The following ADAMTSL5 variants were observed in gnomAD, a reference collection of about 807,000 sequenced individuals.
ADAMTSL5 encodes ADAMTS-like protein 5.
ADAMTSL5 carries 53 observed loss-of-function variants against 51.7 expected under a neutral mutation model. The observed-to-expected ratio is 1.03, with a 90% CI of 0.82 to 1.29. The LOEUF (loss-of-function observed/expected upper bound fraction) is 1.29. Ranked by LOEUF, ADAMTSL5 falls within the 50% of genes most tolerant of loss-of-function variation. The probability of loss-of-function intolerance (pLI) is 0.00; values close to 1 mark genes in which losing one functional copy is unlikely to be tolerated. For synonymous variants in ADAMTSL5, 285 were observed against 278.7 expected (o/e 1.02, Z -0.23); for missense variants, 770 against 676.2 (o/e 1.14, Z -1.54).
At chr19:1,509,675 GAAGGGAAGGAAGA>G (rs1599288550) in intron 5 of ADAMTSL5, among the ~76,000 whole-genome samples, 2 of 151,866 alleles carry the variant, frequency 1.3e-5, no homozygotes, top group East Asian at 1.9e-4. Flanking sequence ...GAAAGGGAAG[GAAGGGAAGGAAGA>G]AAGGGAAGGA....
At chr19:1,509,479 T>C (rs1332205565) in intron 5 of ADAMTSL5, among the ~76,000 whole-genome samples, 1 of 152,022 alleles carries the variant, frequency 6.6e-6, no homozygotes, top group Non-Finnish European at 1.5e-5. Flanking sequence ...CACTCCTCCT[T>C]CTCCAGCTCC....
Position 1,506,541 on chromosome 19 carries a change from G to T in ADAMTSL5, c.1114+49C>A. 1 of 1,584,446 alleles carries T rather than the reference G, an allele frequency of 6.3e-7. No homozygotes were observed. ...TCAGATTAGGGTCAGAGGTCAGGAG[G>T]AGGCCAGGTTAGTAGGGGCTAAGTC... On this transcript the variant is annotated intron_variant, in intron 11 of 11. Transcript: ENST00000330475. This position sits in a 1 kb window ranked among gnomAD's most constrained non-coding sequence, Gnocchi z 5.6.
At chr19:1,507,010 C>G (rs930993634) in intron 9 of ADAMTSL5, 82 bp from the exon 10 acceptor site, 2 of 1,417,962 alleles carry the variant, frequency 1.4e-6, no homozygotes, top group Admixed American at 5.2e-5. Context: ...CCCAGCCTCC[C>G]CACTTTGATC....
rs779541078 is a variant in ADAMTSL5 at position 1,508,455 on chromosome 19, A to G, written c.477T>C (p.Ala159=). The G allele has an allele frequency of 4.5e-6, 7 of 1,563,744 alleles. No individual in the cohort carries two copies. Among genetic ancestry groups the G allele is most frequent in the East Asian group, 2.3e-5 (1 of 42,816 alleles). The part of the protein sequence containing the change: ...CSPGAQGVCV[A]GRCLSAGCDG... ...GACGAGTCCTTACAAGGCAGCGGCC[A>G]GCCACGCAGACCCCCTGGGCACCCG... Residue 159 remains alanine (A), a synonymous_variant, in exon 6 of 12, where the codon GCT becomes GCC. Coordinates refer to ENST00000330475, the MANE Select transcript of ADAMTSL5 (RefSeq NM_213604.3).
intron 6 of ADAMTSL5, 103 bp from the exon 7 acceptor site, chr19:1,508,212 TG>T: frequency 7.9e-7 from 1 of 1,270,610 alleles, no homozygotes; most frequent in Admixed American, 2.4e-5. Context: ...GGAGGGAAGA[TG>T]GGGGTGGAGC....
At chr19:1,512,521 A>AAAT (rs1913314164) in intron 1 of ADAMTSL5, among the ~76,000 whole-genome samples, 1 of 152,266 alleles carries the variant, frequency 6.6e-6, no homozygotes, top group Middle Eastern at 3.4e-3. Flanking sequence ...TCTGTACTAA[A>AAAT]ACACAAAAAT....
rs1041525555 is a variant in ADAMTSL5, at chr19:1,511,732, G to A, written c.-217-572C>T. On this transcript the variant is annotated intron_variant, in intron 1 of 11. Transcript: ENST00000330475. ...AGTCCATGATTCTGTGACACCCTGC[G>A]GAAGGTGCGGCCGGCAGGGGCTGGA... 17 of 513,414 alleles carry A rather than the reference G, an allele frequency of 3.3e-5. No individual in the cohort carries two copies. In the East Asian group the frequency reaches 6.5e-4, roughly 20 times the overall value. 31.8% of individuals were successfully genotyped at this position (513,414 alleles called of 1,614,324 possible).
chr19:1,509,522 G>A lies in ADAMTSL5; in HGVS notation c.361+628C>T, dbSNP rs527454228. ...TCCCATTTCCCTGAGCCTGGCTGGT[G>A]GACCCTGCCTGGAACGGATCCTGGG... On this transcript the variant is annotated intron_variant, in intron 5 of 11. Transcript: ENST00000330475. 2.0e-5 allele frequency among the ~76,000 whole-genome samples: 3 copies of A among 151,784 alleles called. No homozygotes were observed. The Admixed American group carries it at 2.0e-4, about 10-fold the overall frequency.
intron 1 of ADAMTSL5, among the ~76,000 whole-genome samples, chr19:1,512,253 A>G (rs1192744000): frequency 2.0e-5 from 3 of 152,196 alleles, no homozygotes; most frequent in African/African-American, 7.2e-5. Flanking sequence ...CTTCTGAGGC[A>G]CCAAGGGTCT....
rs1274020041 is a variant in ADAMTSL5, at chr19:1,507,984, G to T, written c.601+14C>A. 1.9e-6 allele frequency: 3 copies of T among 1,577,960 alleles called. No individual in the cohort carries two copies. The highest frequency in any genetic ancestry group is 4.6e-5 in the East Asian group (2 of 43,124). On this transcript the variant is annotated intron_variant, in intron 7 of 11. Transcript: ENST00000330475. ...CTCTGACGTGTGTGCAGGGAGGGCG[G>T]GGCAGGTAGTCACCGGCGTCACGAA...
rs939737122 is a variant in ADAMTSL5 at position 1,506,801 on chromosome 19, A to AC, written c.979dup (p.Val327GlyfsTer29). On this transcript the variant is annotated frameshift_variant, in exon 10 of 12. Transcript: ENST00000330475. LOFTEE classifies it high-confidence loss of function. The surrounding 1 kb of genome is among the most constrained non-coding windows in gnomAD (Gnocchi z 5.6). Reference sequence around the variant, plus strand: ...AGGGGCTGCGGGGGGCTGAGGCTCCACCCCCCGGGGCTGAGGCTGCCTCAG... The same window carrying AC: ...AGGGGCTGCGGGGGGCTGAGGCTCCACCCCCCCGGGGCTGAGGCTGCCTCAG... The AC allele has an allele frequency of 5.9e-6, 9 of 1,538,322 alleles. No homozygotes were observed. The Admixed American group carries it at 1.3e-4, about 22-fold the overall frequency.
intron 1 of ADAMTSL5, 56 bp from the exon 2 acceptor site, chr19:1,511,216 C>T (rs770874272): frequency 3.1e-5 from 7 of 224,644 alleles, no homozygotes; most frequent in Non-Finnish European, 5.2e-5. Flanking sequence ...CTCGCTCTGT[C>T]GCCCAGGCTG....
Position 1,510,675 on chromosome 19 carries a change from C to G in ADAMTSL5, c.155G>C (p.Gly52Ala), listed in dbSNP as rs1383145835. 2 of 1,542,352 alleles carry G rather than the reference C, an allele frequency of 1.3e-6. No individual in the cohort carries two copies. Among genetic ancestry groups the G allele is most frequent in the Non-Finnish European group, 1.7e-6 (2 of 1,143,464 alleles). The change falls in exon 3 of 12, where the codon GGG (glycine) becomes GCG (alanine). Residue 52 changes from glycine (G) to alanine (A), a missense_variant. Transcript: ENST00000330475. Reference sequence around the variant, plus strand: ...CCGGCTGCGCACAGAGACGCCACGCCCGCAGGAGCTGGAGCAGCGGGTCCA... The same window carrying G: ...CCGGCTGCGCACAGAGACGCCACGCGCGCAGGAGCTGGAGCAGCGGGTCCA... ...VSWTRCSSSCGRGVSVRSRRC... is the reference protein window; with the variant it reads ...VSWTRCSSSCARGVSVRSRRC...
chr19:1,509,463 G>A (rs1432512551), intron 5 of ADAMTSL5, among the ~76,000 whole-genome samples: 1 of 152,056 alleles, frequency 6.6e-6, no homozygotes, highest in Non-Finnish European at 1.5e-5. Context: ...CGACAGCCCT[G>A]ATCTCCACTC....
In ADAMTSL5 at chr19:1,506,142, A is replaced by G. The variant is rs894181657; in HGVS notation, c.1289T>C (p.Val430Ala). ...GCCGTCGGGGCTGACAAGACGCTGG[A>G]CAGCCATCAGGTAGTCCCGGTGGGG... The part of the protein sequence containing the change: ...LAPHRDYLMA[V>A]QRLVSPDGTQ... The change falls in exon 12 of 12, where the codon GTC becomes GCC. Residue 430 changes from valine (V) to alanine (A), a missense_variant. Val to Ala is a moderately conservative substitution (Grantham distance 64, BLOSUM62 0). Transcript: ENST00000330475. The surrounding 1 kb of genome is among the most constrained non-coding windows in gnomAD (Gnocchi z 5.6). 1.9e-6 allele frequency: 3 copies of G among 1,608,702 alleles called. No individual in the cohort carries two copies. The highest frequency in any genetic ancestry group is 1.7e-5 in the Admixed American group (1 of 59,504).
intron 1 of ADAMTSL5, chr19:1,511,802 C>T (rs905684350): frequency 1.8e-5 from 6 of 328,724 alleles, no homozygotes; most frequent in African/African-American, 1.1e-4. Flanking sequence ...GCACCCCGGC[C>T]CCAGGGCTCC....
intron 9 of ADAMTSL5, 100 bp downstream of exon 9, chr19:1,507,142 C>T (rs2145495466): frequency 6.8e-7 from 1 of 1,461,680 alleles, no homozygotes; most frequent in Middle Eastern, 2.6e-4. Context: ...CCAGACTCCC[C>T]CTTCTGGCCC....
At chr19:1,507,143 C>A in intron 9 of ADAMTSL5, 99 bp downstream of exon 9, 2 of 1,466,798 alleles carry the variant, frequency 1.4e-6, no homozygotes, top group Non-Finnish European at 1.8e-6. Context: ...CAGACTCCCC[C>A]TTCTGGCCCC....
rs760192341 is a variant in ADAMTSL5, at chr19:1,510,450, C to T, written c.192-22G>A. 40 of 1,596,420 alleles carry T rather than the reference C, an allele frequency of 2.5e-5. 1 individual carries two copies. Among genetic ancestry groups the T allele is most frequent in the Middle Eastern group, 2.2e-4 (1 of 4,474 alleles). On this transcript the variant is annotated intron_variant, in intron 3 of 11. Transcript: ENST00000330475. ...AAGCCTGAAGGGAGACAGAGTGTGGCGAGAACCCCCAGGGACCCCCTCCCA... is the reference window on the plus strand; with the variant it reads ...AAGCCTGAAGGGAGACAGAGTGTGGTGAGAACCCCCAGGGACCCCCTCCCA...
Sources: allele counts gnomAD v4.1 joint callset (sites outside exome capture counted in the v4.1 genomes callset), GRCh38; gene constraint gnomAD v4.1.1; non-coding constraint Gnocchi (gnomAD v3.1); transcripts MANE v1.5; gene names NCBI Gene and HGNC (gene_info 2026-07-23, HGNC 2026-07-21).